The following CCNY variants were observed in gnomAD, a reference collection of about 807,000 sequenced individuals.
The protein encoded by CCNY is cyclin-Y.
Under a neutral mutation model 42.8 loss-of-function variants are expected in CCNY, and 19 were observed. The observed-to-expected ratio is 0.44, with a 90% CI of 0.31 to 0.65. The LOEUF (loss-of-function observed/expected upper bound fraction) is 0.65, where lower values mean the gene tolerates loss of function less well. Among genes scored for constraint, CCNY ranks in the 30% least tolerant of loss-of-function variants. CCNY has a pLI of 0.07. For synonymous variants in CCNY, 165 were observed against 162.7 expected (o/e 1.01, Z -0.11); for missense variants, 370 against 437.3 (o/e 0.85, Z 1.37).
intron 1 of CCNY, among the ~76,000 whole-genome samples, chr10:35,372,463 A>G (rs1836958649): frequency 6.6e-6 from 1 of 152,206 alleles, no homozygotes; most frequent in African/African-American, 2.4e-5. Flanking sequence ...TGCGGAGGTC[A>G]TGCATGAAGT....
intron 4 of CCNY, among the ~76,000 whole-genome samples, chr10:35,520,128 G>A (rs966889602): frequency 1.3e-5 from 2 of 152,152 alleles, no homozygotes; most frequent in Non-Finnish European, 2.9e-5. Context: ...CTGAAGTAGA[G>A]CCATCAGAAT....
intron 3 of CCNY, among the ~76,000 whole-genome samples, chr10:35,257,842 C>G (rs150220584): frequency 6.6e-6 from 1 of 152,324 alleles, no homozygotes; most frequent in Non-Finnish European, 1.5e-5. Flanking sequence ...TCCCCTTCTT[C>G]TTCTGGGATT....
intron 1 of CCNY, among the ~76,000 whole-genome samples, chr10:35,453,838 A>T (rs1241448997): frequency 6.6e-6 from 1 of 152,194 alleles, no homozygotes; most frequent in Admixed American, 6.5e-5. Flanking sequence ...ACTAAGACCT[A>T]TAGTAAAAAA....
intron 3 of CCNY, among the ~76,000 whole-genome samples, chr10:35,274,458 C>T (rs1443644647): frequency 1.3e-5 from 2 of 152,166 alleles, no homozygotes; most frequent in Admixed American, 6.5e-5. Flanking sequence ...TACTTCAGCC[C>T]TCTGGACCCC....
intron 3 of CCNY, among the ~76,000 whole-genome samples, chr10:35,277,460 C>A (rs1052059067): frequency 6.6e-6 from 1 of 152,114 alleles, no homozygotes; most frequent in African/African-American, 2.4e-5. Flanking sequence ...CTTCTCCGAG[C>A]CTCTGCTATT....
At chr10:35,499,435 CACA>C (rs1477165957) in intron 2 of CCNY, among the ~76,000 whole-genome samples, 2 of 152,146 alleles carry the variant, frequency 1.3e-5, no homozygotes, top group African/African-American at 4.8e-5. Flanking sequence ...AGGTCCCTCC[CACA>C]ACATGTGGGA....
intron 3 of CCNY, among the ~76,000 whole-genome samples, chr10:35,257,626 C>A (rs2095716602): frequency 1.3e-5 from 2 of 152,132 alleles, no homozygotes; most frequent in African/African-American, 4.8e-5. Context: ...TATTGAGAGA[C>A]CCTTGTATGT....
intron 3 of CCNY, among the ~76,000 whole-genome samples, chr10:35,253,068 A>T (rs1588999588): frequency 6.6e-6 from 1 of 152,224 alleles, no homozygotes; most frequent in Admixed American, 6.5e-5. Flanking sequence ...ACTGAACACT[A>T]TTAAGTCCAT....
chr10:35,253,474 C>G (rs1588999871), intron 3 of CCNY, among the ~76,000 whole-genome samples: 1 of 117,140 alleles, frequency 8.5e-6, no homozygotes, highest in African/African-American at 3.4e-5. Context: ...GGGGGAGTCT[C>G]TCTTTGTTGC....
At chr10:35,553,344 T>C (rs898430507) in intron 8 of CCNY, among the ~76,000 whole-genome samples, 159 bp downstream of exon 8, 11 of 152,192 alleles carry the variant, frequency 7.2e-5, no homozygotes, top group Non-Finnish European at 1.3e-4. Context: ...CTGTGGAATA[T>C]TACATATGAA....
At chr10:35,417,349 C>G (rs948051109) in intron 1 of CCNY, among the ~76,000 whole-genome samples, 1 of 152,208 alleles carries the variant, frequency 6.6e-6, no homozygotes, top group Non-Finnish European at 1.5e-5. Context: ...GGGGCTCTGG[C>G]ATCTGAGTCT....
At chr10:35,541,441 G>C (rs952327599) in intron 7 of CCNY, among the ~76,000 whole-genome samples, 2 of 152,146 alleles carry the variant, frequency 1.3e-5, no homozygotes, top group South Asian at 2.1e-4. Flanking sequence ...CTGTTGCCCT[G>C]GCTAGAGTGC....
intron 1 of CCNY, among the ~76,000 whole-genome samples, chr10:35,411,226 C>T (rs553113487): frequency 2.0e-5 from 3 of 152,100 alleles, no homozygotes; most frequent in South Asian, 2.1e-4. Flanking sequence ...GATTTAGCAG[C>T]GATAGGCCGG....
intron 8 of CCNY, among the ~76,000 whole-genome samples, chr10:35,564,879 C>T (rs1339022624): frequency 6.6e-6 from 1 of 152,240 alleles, no homozygotes; most frequent in Non-Finnish European, 1.5e-5. Flanking sequence ...AGATGTTGCA[C>T]TTCCTGACTA....
chr10:35,562,807 CCTT>C (rs1404371189), intron 8 of CCNY, among the ~76,000 whole-genome samples: 2 of 151,966 alleles, frequency 1.3e-5, no homozygotes, highest in South Asian at 2.1e-4. Flanking sequence ...CTTTGTTTCT[CCTT>C]CTTTTGGGAA....
At chr10:35,394,065 G>A (rs909918387) in intron 1 of CCNY, among the ~76,000 whole-genome samples, 3 of 152,180 alleles carry the variant, frequency 2.0e-5, no homozygotes, top group South Asian at 2.1e-4. Context: ...CAGTGGACCC[G>A]TTCTTCACTC....
intron 3 of CCNY, among the ~76,000 whole-genome samples, chr10:35,269,749 C>T (rs1835139702): frequency 6.6e-6 from 1 of 151,824 alleles, no homozygotes; most frequent in African/African-American, 2.4e-5. Flanking sequence ...CCTGCCTCAG[C>T]CTCTGAAGTA....
intron 1 of CCNY, among the ~76,000 whole-genome samples, chr10:35,354,331 G>A (rs1836495306): frequency 2.0e-5 from 3 of 151,892 alleles, no homozygotes; most frequent in South Asian, 4.2e-4. Context: ...GATTACAGGC[G>A]CCCACCACCA....
chr10:35,454,733 C>T (rs550607412), intron 1 of CCNY, among the ~76,000 whole-genome samples: 1 of 152,224 alleles, frequency 6.6e-6, no homozygotes, highest in East Asian at 1.9e-4. Context: ...GGTATGCTCT[C>T]TGGCAGCAGC....
Sources: allele counts gnomAD v4.1 joint callset (sites outside exome capture counted in the v4.1 genomes callset), GRCh38; gene constraint gnomAD v4.1.1; transcripts MANE v1.5; gene names NCBI Gene and HGNC (gene_info 2026-07-23, HGNC 2026-07-21).